The following GNA12 variants were observed in gnomAD, a reference collection of about 807,000 sequenced individuals.
GNA12 encodes the protein G protein subunit alpha 12.
A neutral mutation model predicts 26.0 loss-of-function variants in GNA12; 9 were observed. The ratio of observed to expected loss-of-function variants is 0.35; its 90% CI spans 0.21 to 0.60. The LOEUF (loss-of-function observed/expected upper bound fraction) is 0.60. Ranked by LOEUF, GNA12 falls within the 20% of genes least tolerant of loss-of-function variation. The pLI, the probability that GNA12 is intolerant of heterozygous loss-of-function variation, is 0.78. For synonymous variants in GNA12, 264 were observed against 219.6 expected, an observed-to-expected ratio of 1.20 and a Z score of -1.79; for missense variants, 405 against 525.8, an observed-to-expected ratio of 0.77 and a Z score of 2.25.
At chr7:2,814,838 A>T in intron 1 of GNA12, 1 of 1,584,928 alleles carries the variant, frequency 6.3e-7, no homozygotes, top group Non-Finnish European at 8.6e-7. Flanking sequence ...TCCCGACAGC[A>T]CCGGGTGTGC....
intron 2 of GNA12, among the ~76,000 whole-genome samples, chr7:2,736,961 G>C (rs1790213409): frequency 6.6e-6 from 1 of 152,248 alleles, no homozygotes; most frequent in African/African-American, 2.4e-5. Context: ...ATGAGGGGCT[G>C]ACTCTGGTTC....
intron 2 of GNA12, among the ~76,000 whole-genome samples, chr7:2,774,097 T>A (rs1299742289): frequency 6.6e-6 from 1 of 152,092 alleles, no homozygotes; most frequent in African/African-American, 2.4e-5. Context: ...TCAGAACTGG[T>A]TACTTCTGGA....
At chr7:2,733,348 C>T in intron 3 of GNA12, 103 bp downstream of exon 3, 1 of 886,106 alleles carries the variant, frequency 1.1e-6, no homozygotes. Flanking sequence ...ACAAGCTCGG[C>T]CTGTCAGTCC....
At chr7:2,791,138 G>T (rs1280200517) in intron 2 of GNA12, among the ~76,000 whole-genome samples, 1 of 152,192 alleles carries the variant, frequency 6.6e-6, no homozygotes, top group Non-Finnish European at 1.5e-5. Context: ...TATTAAAAAA[G>T]AGGACAGACA....
At chr7:2,773,016 G>T (rs1453052094) in intron 2 of GNA12, among the ~76,000 whole-genome samples, 2 of 152,194 alleles carry the variant, frequency 1.3e-5, no homozygotes, top group Non-Finnish European at 2.9e-5. Context: ...AAGCAAAGAA[G>T]CCAGCTAAAC....
chr7:2,798,598 C>A (rs773799769), intron 1 of GNA12, among the ~76,000 whole-genome samples: 1 of 152,166 alleles, frequency 6.6e-6, no homozygotes, highest in Non-Finnish European at 1.5e-5. Flanking sequence ...AATTAATAAA[C>A]AGGTTTAGCA....
At chr7:2,801,510 C>A (rs1792808428) in intron 1 of GNA12, among the ~76,000 whole-genome samples, 1 of 152,172 alleles carries the variant, frequency 6.6e-6, no homozygotes, top group Admixed American at 6.5e-5. Flanking sequence ...TCTATTCCCA[C>A]CGCACAATCC....
chr7:2,749,788 A>G (rs1790938676), intron 2 of GNA12, among the ~76,000 whole-genome samples: 1 of 152,210 alleles, frequency 6.6e-6, no homozygotes, highest in South Asian at 2.1e-4. Context: ...GAACTTAATA[A>G]GAGACTGGGG....
At chr7:2,838,002 T>C (rs950926209) in intron 1 of GNA12, among the ~76,000 whole-genome samples, 3 of 151,672 alleles carry the variant, frequency 2.0e-5, no homozygotes, top group Non-Finnish European at 2.9e-5. Flanking sequence ...TGAAGTGGGG[T>C]GGGTAAATGG....
chr7:2,732,529 G>C (rs1275694598), intron 3 of GNA12, among the ~76,000 whole-genome samples: 2 of 152,176 alleles, frequency 1.3e-5, no homozygotes, highest in African/African-American at 2.4e-5. Flanking sequence ...CTGGGTGACA[G>C]AGTGAGACCC....
intron 2 of GNA12, among the ~76,000 whole-genome samples, chr7:2,786,181 G>A (rs770849497): frequency 4.6e-5 from 7 of 152,180 alleles, no homozygotes; most frequent in South Asian, 2.1e-4. Flanking sequence ...ACATGCACAC[G>A]CTCACCAATG....
In GNA12 at chr7:2,728,612, C is replaced by G. The variant is rs1186619928; in HGVS notation, c.*2569G>C. 1 of 152,570 alleles carries G rather than the reference C, an allele frequency of 6.6e-6. No individual in the cohort carries two copies. Among genetic ancestry groups the G allele is most frequent in the Non-Finnish European group, 1.5e-5 (1 of 68,044 alleles). 9.5% of individuals were successfully genotyped at this position (152,570 alleles called of 1,614,324 possible). A position where few individuals can be genotyped will look rare whatever the true frequency, so the allele number is the denominator to read the frequency against. ...TTTGCAATAATTGAGGCACAACTAC[C>G]TCCTGCTTTTCCAACATCTTAATAA... On this transcript the variant is annotated 3_prime_UTR_variant, in exon 4 of 4. Coordinates refer to ENST00000275364, the MANE Select transcript of GNA12 (RefSeq NM_007353.3).
At chr7:2,774,419 T>G (rs1463776514) in intron 2 of GNA12, among the ~76,000 whole-genome samples, 2 of 152,136 alleles carry the variant, frequency 1.3e-5, no homozygotes, top group African/African-American at 4.8e-5. Context: ...GTCAAAACCT[T>G]GATGAGATAA....
At chr7:2,814,956 G>C in intron 1 of GNA12, 1 of 1,568,300 alleles carries the variant, frequency 6.4e-7, no homozygotes, top group Non-Finnish European at 8.6e-7. Context: ...TACAGTAGGC[G>C]CTCTGCACTC....
intron 1 of GNA12, among the ~76,000 whole-genome samples, chr7:2,817,146 C>T (rs1413639829): frequency 6.6e-6 from 1 of 152,254 alleles, no homozygotes; most frequent in Non-Finnish European, 1.5e-5. Flanking sequence ...CGCTCTATTG[C>T]CCAGGCTGTA....
intron 3 of GNA12, 54 bp downstream of exon 3, chr7:2,733,397 G>GAC (rs199654941): frequency 3.3e-6 from 4 of 1,226,622 alleles, no homozygotes; most frequent in South Asian, 1.3e-5. Flanking sequence ...TTGGTCTCTG[G>GAC]ACACGTTTTC....
intron 2 of GNA12, among the ~76,000 whole-genome samples, chr7:2,748,112 C>T (rs1381099281): frequency 2.2e-4 from 33 of 150,806 alleles, no homozygotes; most frequent in Non-Finnish European, 8.9e-5. Context: ...TCAATGCCAT[C>T]CCCATCAAGC....
At chr7:2,765,450 C>T (rs1266891275) in intron 2 of GNA12, among the ~76,000 whole-genome samples, 1 of 152,054 alleles carries the variant, frequency 6.6e-6, no homozygotes, top group Non-Finnish European at 1.5e-5. Context: ...TGAGCCACCG[C>T]GCCCAGCCTA....
intron 2 of GNA12, among the ~76,000 whole-genome samples, chr7:2,756,343 C>T (rs1791293573): frequency 6.6e-6 from 1 of 152,162 alleles, no homozygotes; most frequent in Non-Finnish European, 1.5e-5. Flanking sequence ...AACTGGATCA[C>T]TAAAACTAGA....
Sources: allele counts gnomAD v4.1 joint callset (sites outside exome capture counted in the v4.1 genomes callset), GRCh38; gene constraint gnomAD v4.1.1; transcripts MANE v1.5; gene names NCBI Gene and HGNC (gene_info 2026-07-23, HGNC 2026-07-21).